The following COX10 variants were observed in gnomAD, a reference collection of about 807,000 sequenced individuals.
COX10 encodes protoheme IX farnesyltransferase, mitochondrial.
A neutral mutation model predicts 37.3 loss-of-function variants in COX10; 27 were observed. The ratio of observed to expected loss-of-function variants is 0.72; its 90% CI spans 0.53 to 1.00. COX10 has a LOEUF of 1.00. Among genes scored for constraint, COX10 ranks in the 50% least tolerant of loss-of-function variants. The probability of loss-of-function intolerance (pLI) is 0.00; values close to 1 mark genes in which losing one functional copy is unlikely to be tolerated. For synonymous variants in COX10, 222 were observed against 229.1 expected, an observed-to-expected ratio of 0.97 and a Z score of 0.28; for missense variants, 475 against 563.2, an observed-to-expected ratio of 0.84 and a Z score of 1.59.
intron 4 of COX10, among the ~76,000 whole-genome samples, chr17:14,104,600 T>A (rs1383927346): frequency 6.6e-6 from 1 of 152,150 alleles, no homozygotes; most frequent in Non-Finnish European, 1.5e-5. Flanking sequence ...AGGAAAACTT[T>A]CCTTCTGTTC....
intron 5 of COX10, among the ~76,000 whole-genome samples, chr17:14,160,641 G>T (rs752201721): frequency 6.6e-6 from 1 of 152,134 alleles, no homozygotes; most frequent in Non-Finnish European, 1.5e-5. Flanking sequence ...GATAACACTT[G>T]TGAATCAAAT....
chr17:14,154,665 C>T (rs1904993487), intron 4 of COX10, among the ~76,000 whole-genome samples: 1 of 152,158 alleles, frequency 6.6e-6, no homozygotes, highest in South Asian at 2.1e-4. Flanking sequence ...TCAACGGATG[C>T]AGACATAGGT....
chr17:14,152,784 C>T (rs1244809561), intron 4 of COX10, among the ~76,000 whole-genome samples: 1 of 152,182 alleles, frequency 6.6e-6, no homozygotes, highest in Non-Finnish European at 1.5e-5. Context: ...TACAGAAGAG[C>T]TTGTATGTTC....
At chr17:14,170,684 G>A (rs911063426) in intron 5 of COX10, among the ~76,000 whole-genome samples, 2 of 152,248 alleles carry the variant, frequency 1.3e-5, no homozygotes, top group African/African-American at 4.8e-5. Flanking sequence ...CGAGCATGGT[G>A]GCACACTCCT....
intron 4 of COX10, among the ~76,000 whole-genome samples, chr17:14,132,474 A>G (rs1218306336): frequency 6.6e-6 from 1 of 151,896 alleles, no homozygotes; most frequent in African/African-American, 2.4e-5. Flanking sequence ...ATCACTTTGC[A>G]TTTATAAGCC....
At chr17:14,123,412 T>C (rs199957464) in intron 4 of COX10, among the ~76,000 whole-genome samples, 2 of 152,208 alleles carry the variant, frequency 1.3e-5, no homozygotes, top group East Asian at 3.8e-4. Context: ...CAAGATCATT[T>C]GAATAGAATG....
intron 4 of COX10, among the ~76,000 whole-genome samples, chr17:14,156,624 C>T (rs1393002834): frequency 1.3e-5 from 2 of 152,200 alleles, no homozygotes; most frequent in Non-Finnish European, 2.9e-5. Flanking sequence ...AGCATTTCAT[C>T]AAAGTTCTGC....
rs773175677 is a variant in COX10, at chr17:14,129,816, G to A, written c.624+27574G>A. ...TAGGAGGACTCTCTGGGTACAGTAGGGTTATATAGGGTTGGTGGTTTTGTT... is the reference window on the plus strand; with the variant it reads ...TAGGAGGACTCTCTGGGTACAGTAGAGTTATATAGGGTTGGTGGTTTTGTT... On this transcript the variant is annotated intron_variant, in intron 4 of 6. Coordinates refer to ENST00000261643, the MANE Select transcript of COX10 (RefSeq NM_001303.4). Among the ~76,000 whole-genome samples the A allele has an allele frequency of 7.7e-4, 117 of 152,256 alleles. 1 individual carries two copies. The highest frequency in any genetic ancestry group is 1.2e-3 in the Non-Finnish European group (81 of 68,014).
chr17:14,132,803 T>C (rs114757338), intron 4 of COX10, among the ~76,000 whole-genome samples: 2,185 of 151,778 alleles, frequency 0.014, 59 homozygotes, highest in African/African-American at 0.049. Context: ...AAATTATAGC[T>C]TCAAATACTT....
chr17:14,159,023 A>T (rs1304560407), intron 4 of COX10, among the ~76,000 whole-genome samples: 1 of 152,220 alleles, frequency 6.6e-6, no homozygotes, highest in Non-Finnish European at 1.5e-5. Context: ...ATTAGTTTTG[A>T]TAATACCTTG....
Position 14,082,739 on chromosome 17 carries a change from T to C in COX10, c.499+5683T>C, listed in dbSNP as rs1188436828. On this transcript the variant is annotated intron_variant, in intron 3 of 6. Coordinates refer to ENST00000261643, the MANE Select transcript of COX10 (RefSeq NM_001303.4). ...TGATGTATAGTGTACATGAACTCAT[T>C]GGCTTCCAAATGTCAGCATGGTAAT... 2.6e-5 allele frequency among the ~76,000 whole-genome samples: 4 copies of C among 152,180 alleles called. No homozygotes were observed. In the East Asian group the frequency reaches 5.8e-4, roughly 22 times the overall value.
intron 5 of COX10, among the ~76,000 whole-genome samples, chr17:14,188,462 TA>T (rs1906106013): frequency 6.6e-6 from 1 of 151,246 alleles, no homozygotes; most frequent in Non-Finnish European, 1.5e-5. Context: ...AAAATAGAAT[TA>T]AAAGATAAAA....
intron 4 of COX10, among the ~76,000 whole-genome samples, chr17:14,139,034 A>G (rs896571064): frequency 3.3e-5 from 5 of 152,172 alleles, no homozygotes; most frequent in Non-Finnish European, 5.9e-5. Flanking sequence ...AATGATGATA[A>G]TGATAATGCC....
At chr17:14,193,508 G>A (rs1397222582) in intron 6 of COX10, among the ~76,000 whole-genome samples, 4 of 149,204 alleles carry the variant, frequency 2.7e-5, no homozygotes, top group Admixed American at 6.8e-5. Context: ...TAAGCTGAGC[G>A]ATGCAGCCTT....
chr17:14,093,447 A>T (rs968670079), intron 3 of COX10, among the ~76,000 whole-genome samples: 30 of 152,186 alleles, frequency 2.0e-4, no homozygotes, highest in Admixed American at 1.8e-3. Context: ...AAAAAAAAAC[A>T]AATTCTTGAT....
chr17:14,080,168 A>C (rs1289401960), intron 3 of COX10, among the ~76,000 whole-genome samples: 1 of 151,946 alleles, frequency 6.6e-6, no homozygotes, highest in Non-Finnish European at 1.5e-5. Flanking sequence ...TGTTTCTAAA[A>C]AGATAGTATA....
chr17:14,202,453 C>T (rs765041431), intron 6 of COX10, among the ~76,000 whole-genome samples: 1 of 152,052 alleles, frequency 6.6e-6, no homozygotes, highest in Non-Finnish European at 1.5e-5. Context: ...ACAGAAGGTG[C>T]TAATATCTTG....
chr17:14,127,859 A>G (rs1916378112), intron 4 of COX10, among the ~76,000 whole-genome samples: 1 of 151,934 alleles, frequency 6.6e-6, no homozygotes, highest in Non-Finnish European at 1.5e-5. Context: ...CACCACCTTT[A>G]GAAGTGTTTT....
chr17:14,155,254 G>A (rs1366762866), intron 4 of COX10, among the ~76,000 whole-genome samples: 1 of 151,750 alleles, frequency 6.6e-6, no homozygotes, highest in Admixed American at 6.6e-5. Flanking sequence ...AATCTGGAGA[G>A]GCACTTTGAT....
Sources: gnomAD v4.1 joint callset for allele counts (sites outside exome capture counted in the v4.1 genomes callset) on GRCh38, gnomAD v4.1.1 for gene constraint, MANE v1.5 for transcripts, NCBI Gene and HGNC (gene_info 2026-07-23, HGNC 2026-07-21) for gene names.